LITAF: variants seen among roughly 807,000 people sequenced by gnomAD.
LITAF encodes lipopolysaccharide-induced tumor necrosis factor-alpha factor.
In LITAF, 9 loss-of-function variants were observed where a neutral mutation model predicts 14.5. That is an observed-to-expected ratio of 0.62 (90% CI 0.37 to 1.08). The LOEUF is 1.08. Ranked by LOEUF, LITAF falls within the 50% of genes least tolerant of loss-of-function variation. The probability of loss-of-function intolerance (pLI) is 0.01; values close to 1 mark genes in which losing one functional copy is unlikely to be tolerated. For missense variants in LITAF, 206 were observed against 213.4 expected, an observed-to-expected ratio of 0.97 and a Z score of 0.22; for synonymous variants, 98 against 88.2, an observed-to-expected ratio of 1.11 and a Z score of -0.62.
intron 1 of LITAF, among the ~76,000 whole-genome samples, chr16:11,585,230 CAAAAAAAAAAA>C (rs35542925): frequency 2.2e-5 from 2 of 90,704 alleles, no homozygotes; most frequent in African/African-American, 8.0e-5. Flanking sequence ...GACTCTGTCT[CAAAAAAAAAAA>C]AAAAAAAGAA....
intron 1 of LITAF, among the ~76,000 whole-genome samples, chr16:11,566,112 T>A (rs183545201): frequency 6.6e-6 from 1 of 152,308 alleles, no homozygotes; most frequent in East Asian, 1.9e-4. Context: ...GCACTCGGTA[T>A]GTGTCAGCTG....
chr16:11,627,084 C>T (rs541542602), intron 3 of LITAF, among the ~76,000 whole-genome samples: 7 of 152,234 alleles, frequency 4.6e-5, no homozygotes, highest in South Asian at 4.1e-4. Context: ...TTGCTGCAGA[C>T]GCGTCCCTCC....
intron 3 of LITAF, among the ~76,000 whole-genome samples, chr16:11,626,601 GT>G (rs1323317379): frequency 6.6e-6 from 1 of 152,142 alleles, no homozygotes; most frequent in Non-Finnish European, 1.5e-5. Context: ...GCCTCCCAAA[GT>G]GCTGGGATTA....
upstream of LITAF, among the ~76,000 whole-genome samples, chr16:11,592,173 G>A (rs1363502235): frequency 6.6e-6 from 1 of 152,204 alleles, no homozygotes; most frequent in Admixed American, 6.5e-5. Flanking sequence ...ACCCACAGAA[G>A]AGGAGAAAAT....
intron 3 of LITAF, among the ~76,000 whole-genome samples, chr16:11,607,748 G>T (rs527546851): frequency 3.9e-5 from 6 of 152,140 alleles, no homozygotes; most frequent in Non-Finnish European, 8.8e-5. Context: ...CCAGACCAGG[G>T]TTCATCAACC....
intron 1 of LITAF, among the ~76,000 whole-genome samples, chr16:11,577,269 C>T (rs976570830): frequency 2.4e-4 from 36 of 152,048 alleles, no homozygotes; most frequent in African/African-American, 8.5e-4. Flanking sequence ...GCACATCTAT[C>T]CCATCTATGA....
intron 3 of LITAF, among the ~76,000 whole-genome samples, chr16:11,551,036 C>T (rs1193723107): frequency 6.6e-6 from 1 of 152,200 alleles, no homozygotes; most frequent in East Asian, 1.9e-4. Context: ...AATAATGCCT[C>T]TTAACCTACA....
chr16:11,627,198 C>T (rs1597376257), intron 3 of LITAF, among the ~76,000 whole-genome samples: 1 of 152,196 alleles, frequency 6.6e-6, no homozygotes, highest in Non-Finnish European at 1.5e-5. Flanking sequence ...GCATGTGACC[C>T]AAGCCAAGCC....
chr16:11,613,522 C>T (rs748853361), intron 3 of LITAF, among the ~76,000 whole-genome samples: 1 of 152,198 alleles, frequency 6.6e-6, no homozygotes, highest in Non-Finnish European at 1.5e-5. Context: ...CGGTGATTCA[C>T]AATCTTCCCT....
Position 11,555,704 on chromosome 16 carries a change from C to T in LITAF, c.220+807G>A, listed in dbSNP as rs114191536. On this transcript the variant is annotated intron_variant, in intron 2 of 3. Coordinates refer to ENST00000622633, the MANE Select transcript of LITAF (RefSeq NM_001136472.2). The stretch of plus-strand genomic sequence containing the variant: ...AGAAAAAGAAACTATTTATTGATCA[C>T]AGGATGGTCTAAGAATCTAAAGTCA... Among the ~76,000 whole-genome samples the T allele has an allele frequency of 4.5e-3, 691 of 151,938 alleles. 6 individuals are homozygous for T. The highest frequency in any genetic ancestry group is 0.016 in the African/African-American group (649 of 41,412).
At chr16:11,551,748 C>A in intron 3 of LITAF, 1 of 684,708 alleles carries the variant, frequency 1.5e-6, no homozygotes, top group Non-Finnish European at 2.7e-6. Flanking sequence ...GGGCGGATTG[C>A]AGGAGCCCAG....
At chr16:11,564,508 C>T (rs1301538917) in intron 1 of LITAF, among the ~76,000 whole-genome samples, 3 of 151,976 alleles carry the variant, frequency 2.0e-5, no homozygotes, top group Non-Finnish European at 4.4e-5. Flanking sequence ...GTTCATTCAA[C>T]GTTTGCACAA....
intron 3 of LITAF, among the ~76,000 whole-genome samples, chr16:11,550,913 G>A (rs1461500484): frequency 3.9e-5 from 6 of 152,148 alleles, no homozygotes; most frequent in Non-Finnish European, 7.3e-5. Flanking sequence ...CTGTGTTCCC[G>A]TAAAACTTAA....
intron 1 of LITAF, among the ~76,000 whole-genome samples, chr16:11,567,293 G>T (rs888127264): frequency 6.6e-6 from 1 of 151,984 alleles, no homozygotes; most frequent in Admixed American, 6.6e-5. Context: ...GGTGGCACAC[G>T]CCTGTAATCC....
intron 1 of LITAF, among the ~76,000 whole-genome samples, chr16:11,563,858 T>TG (rs2064410935): frequency 6.6e-6 from 1 of 151,914 alleles, no homozygotes; most frequent in Non-Finnish European, 1.5e-5. Flanking sequence ...GACAAAGGGT[T>TG]GGGGTGGGGG....
intron 2 of LITAF, among the ~76,000 whole-genome samples, chr16:11,554,191 C>T (rs2064230722): frequency 6.6e-6 from 1 of 152,068 alleles, no homozygotes. Flanking sequence ...ATGATTGCGC[C>T]ACTGCTCTCC....
intron 1 of LITAF, among the ~76,000 whole-genome samples, chr16:11,582,389 A>G (rs1017594317): frequency 7.2e-5 from 11 of 152,092 alleles, no homozygotes; most frequent in African/African-American, 2.2e-4. Context: ...TCTTCTAAAA[A>G]TATATCCTCA....
chr16:11,606,431 A>C (rs556930527), intron 3 of LITAF, among the ~76,000 whole-genome samples: 5 of 152,070 alleles, frequency 3.3e-5, no homozygotes, highest in African/African-American at 1.2e-4. Context: ...GGCCTCCCAA[A>C]GTGCTGGGAT....
At chr16:11,638,082 ATCTATCTATCTATC>A (rs1567271132), upstream of LITAF, among the ~76,000 whole-genome samples, 133 of 128,488 alleles carry the variant, frequency 1.0e-3, 11 homozygotes, top group Middle Eastern at 3.8e-3. Context: ...ATATATCTAT[ATCTATCTATCTATC>A]TATATATATA....
Sources: gnomAD v4.1 joint callset for allele counts (sites outside exome capture counted in the v4.1 genomes callset) on GRCh38, gnomAD v4.1.1 for gene constraint, MANE v1.5 for transcripts, NCBI Gene and HGNC (gene_info 2026-07-23, HGNC 2026-07-21) for gene names.